The following OBSL1 variants were observed in gnomAD, a reference collection of about 807,000 sequenced individuals.
OBSL1 encodes obscurin-like protein 1.
In OBSL1, 160 loss-of-function variants were observed where a neutral mutation model predicts 172.0. The ratio of observed to expected loss-of-function variants is 0.93; its 90% confidence interval spans 0.82 to 1.06. The LOEUF (loss-of-function observed/expected upper bound fraction) is 1.06, where lower values mean the gene tolerates loss of function less well. OBSL1 is among the 50% of genes least tolerant of loss of function. The probability of loss-of-function intolerance (pLI) is 0.00; values close to 1 mark genes in which losing one functional copy is unlikely to be tolerated. For missense variants in OBSL1, 2,681 were observed against 2,715.4 expected (o/e 0.99, Z 0.28); for synonymous variants, 1,200 against 1,196.3 (o/e 1.00, Z -0.06).
In OBSL1 at chr2:219,558,435, G is replaced by A. The variant is rs375663940; in HGVS notation, c.3251C>T (p.Pro1084Leu). The change falls in exon 10 of 21, where the codon CCG becomes CTG. Residue 1084 changes from proline to leucine, a missense_variant. By Grantham distance (98) the Pro-to-Leu change is moderately conservative. Coordinates refer to ENST00000404537, the MANE Select transcript of OBSL1 (RefSeq NM_015311.3). ...VTAPPERIVH[P>L]AARSLDLHFG... ...ATGCAGATCCAGGGAGCGGGCTGCCGGGTGCACAATCCTCTCTGGTGGGGC... is the reference window on the plus strand; with the variant it reads ...ATGCAGATCCAGGGAGCGGGCTGCCAGGTGCACAATCCTCTCTGGTGGGGC... The A allele has an allele frequency of 3.5e-5, 56 of 1,588,502 alleles. No individual in the cohort carries two copies. Among genetic ancestry groups the A allele is most frequent in the Middle Eastern group, 1.8e-4 (1 of 5,532 alleles).
chr2:219,567,541 CA>C lies in OBSL1; in HGVS notation c.1568del (p.Leu523TrpfsTer14). 6.2e-7 allele frequency: 1 copy of C among 1,612,718 alleles called. No homozygotes were observed. Among genetic ancestry groups the C allele is most frequent in the Middle Eastern group, 1.7e-4 (1 of 6,058 alleles). The part of the protein sequence containing the change: ...VKHSPPGPPI[L>X]AEMFKGHKNT... ...TCTTGTGGCCCTTGAACATCTCTGC[CA>C]ATATGGGGGGTCCTGGGGGACTGTG... On this transcript the variant is annotated frameshift_variant, in exon 4 of 21. Coordinates refer to ENST00000404537, the MANE Select transcript of OBSL1 (RefSeq NM_015311.3). LOFTEE classifies it high-confidence loss of function.
rs753310153 is a variant in OBSL1 at position 219,556,437 on chromosome 2, C to T, written c.4336+17G>A. On this transcript the variant is annotated intron_variant, in intron 13 of 20. Transcript: ENST00000404537. ...AGGCACGGGACACAGAGTATCTCAT[C>T]CTCATCAGGACCTAACCTCGAACAT... 4.3e-5 allele frequency: 70 copies of T among 1,613,442 alleles called. No individual in the cohort carries two copies. In the East Asian group the frequency reaches 1.4e-3, roughly 32 times the overall value.
At chr2:219,564,232 C>G (rs573500267) in intron 6 of OBSL1, among the ~76,000 whole-genome samples, 9 of 152,340 alleles carry the variant, frequency 5.9e-5, no homozygotes, top group Non-Finnish European at 1.2e-4. Flanking sequence ...GGGCTCTGGA[C>G]AGTCCAGGGA....
intron 18 of OBSL1, 108 bp from the exon 19 acceptor site, chr2:219,552,324 A>T: frequency 9.4e-7 from 1 of 1,068,782 alleles, no homozygotes; most frequent in East Asian, 2.6e-5. Context: ...CCGTTAGTGT[A>T]TGCTAGGGTG....
At chr2:219,561,347 C>T (rs967875003) in intron 8 of OBSL1, among the ~76,000 whole-genome samples, 3 of 152,080 alleles carry the variant, frequency 2.0e-5, no homozygotes, top group Non-Finnish European at 2.9e-5. Flanking sequence ...GCCGTCACCC[C>T]GAGGTCTCCG....
intron 18 of OBSL1, 67 bp downstream of exon 18, chr2:219,552,469 G>C: frequency 3.4e-6 from 5 of 1,466,302 alleles, no homozygotes; most frequent in Non-Finnish European, 4.6e-6. Flanking sequence ...TTGTCCCGGT[G>C]GGGCGGGATC....
Position 219,551,684 on chromosome 2 carries a change from C to G in OBSL1, c.5528G>C (p.Arg1843Pro). ...TCCCGGGCACAGCTCGGCCCCCTCC[C>G]GCAGCCAGCACACGTGGCCCCCCGA... ...SRSGGHVCWL[R>P]EGAELCPGDK... The change falls in exon 20 of 21, where the codon CGG becomes CCG. Residue 1843 changes from arginine to proline, a missense_variant. Arg to Pro is a moderately radical substitution (Grantham distance 103). Coordinates refer to ENST00000404537, the MANE Select transcript of OBSL1 (RefSeq NM_015311.3). The G allele has an allele frequency of 6.2e-7, 1 of 1,611,102 alleles. No homozygotes were observed. Among genetic ancestry groups the G allele is most frequent in the Non-Finnish European group, 8.5e-7 (1 of 1,179,306 alleles).
In OBSL1 at chr2:219,554,614, A is replaced by G. The variant is rs1384543015; in HGVS notation, c.4736T>C (p.Leu1579Pro). The change falls in exon 15 of 21, where the codon CTG (leucine) becomes CCG (proline). Residue 1579 changes from leucine (L) to proline (P), a missense_variant. By Grantham distance (98) the Leu-to-Pro change is moderately conservative (BLOSUM62 -3). This residue lies in a region of OBSL1 where 1,765 missense variants were observed against 1,748.3 expected (regional missense o/e 1.01). Coordinates refer to ENST00000404537, the MANE Select transcript of OBSL1 (RefSeq NM_015311.3). ...TGEWARGGVQ[L>P]YPGPKCHIHS... ...GATGTGACACTTGGGTCCTGGATACAGCTGTACTCCACCCCGGGCCCACTC... is the reference window on the plus strand; with the variant it reads ...GATGTGACACTTGGGTCCTGGATACGGCTGTACTCCACCCCGGGCCCACTC... 1.2e-6 allele frequency: 2 copies of G among 1,612,988 alleles called. No individual in the cohort carries two copies. The highest frequency in any genetic ancestry group is 2.7e-5 in the African/African-American group (2 of 74,908).
chr2:219,556,277 A>G lies in OBSL1; in HGVS notation c.4352T>C (p.Phe1451Ser). 2 of 1,587,102 alleles carry G rather than the reference A, an allele frequency of 1.3e-6. No individual in the cohort carries two copies. The highest frequency in any genetic ancestry group is 1.7e-6 in the Non-Finnish European group (2 of 1,163,422). The stretch of plus-strand genomic sequence containing the variant: ...CCGCACATCCTGCAACCGCCGTAGG[A>G]ACAGCAGCTCTGTCTCTGGTGGGGA... ...RLHVRETELL[F>S]LRRLQDVRAE... The change falls in exon 14 of 21, where the codon TTC becomes TCC. Residue 1451 changes from phenylalanine to serine, a missense_variant. Phe to Ser is a radical substitution (Grantham distance 155). This residue lies in a region of OBSL1 where 1,765 missense variants were observed against 1,748.3 expected (regional missense o/e 1.01). Coordinates refer to ENST00000404537, the MANE Select transcript of OBSL1 (RefSeq NM_015311.3).
At chr2:219,553,131 C>T in intron 16 of OBSL1, 107 bp from the exon 17 acceptor site, 1 of 1,344,080 alleles carries the variant, frequency 7.4e-7, no homozygotes, top group Non-Finnish European at 9.7e-7. Flanking sequence ...TCTCGAGGCG[C>T]GTTTATGCGT....
intron 12 of OBSL1, chr2:219,557,027 C>T (rs192669884): frequency 1.2e-4 from 58 of 484,154 alleles, no homozygotes; most frequent in Admixed American, 4.0e-4. Context: ...AAGCACTATC[C>T]CCTCTTTTCA....
intron 9 of OBSL1, among the ~76,000 whole-genome samples, chr2:219,558,853 C>A (rs969630014): frequency 9.2e-5 from 14 of 152,200 alleles, no homozygotes; most frequent in Admixed American, 4.6e-4. Flanking sequence ...CTTGTTACCA[C>A]CTGACAAACC....
At chr2:219,551,038 G>A (rs1559130443) in intron 20 of OBSL1, 196 bp from the exon 21 acceptor site, 5 of 1,441,820 alleles carry the variant, frequency 3.5e-6, no homozygotes, top group Non-Finnish European at 4.5e-6. Flanking sequence ...CGCGGCACCT[G>A]AAGGGAATGC....
intron 15 of OBSL1, 44 bp from the exon 16 acceptor site, chr2:219,553,730 G>A (rs1262369968): frequency 7.0e-7 from 1 of 1,431,680 alleles, no homozygotes; most frequent in Non-Finnish European, 9.8e-7. Flanking sequence ...AGCAGGATGG[G>A]GACCCATCTT....
At chr2:219,563,301 A>G in intron 7 of OBSL1, 54 bp downstream of exon 7, 1 of 1,482,544 alleles carries the variant, frequency 6.7e-7, no homozygotes, top group Non-Finnish European at 9.0e-7. Flanking sequence ...CAGCTGTTCC[A>G]GTGGGAGCAG....
downstream of OBSL1, chr2:219,548,077 G>T: frequency 6.5e-7 from 1 of 1,548,232 alleles, no homozygotes; most frequent in East Asian, 2.3e-5. Flanking sequence ...ACTCCCACAC[G>T]GAAGGTAAGG....
intron 6 of OBSL1, among the ~76,000 whole-genome samples, chr2:219,564,379 G>A (rs139938218): frequency 2.6e-4 from 39 of 152,330 alleles, no homozygotes; most frequent in African/African-American, 8.7e-4. Flanking sequence ...TGTGTGTGTC[G>A]CCAAGCTATG....
rs757557849 is a variant in OBSL1 at position 219,551,600 on chromosome 2, C to T, written c.5612G>A (p.Arg1871Gln). 3 of 1,610,498 alleles carry T rather than the reference C, an allele frequency of 1.9e-6. No individual in the cohort carries two copies. The highest frequency in any genetic ancestry group is 1.7e-6 in the Non-Finnish European group (2 of 1,178,582). The change falls in exon 20 of 21, where the codon CGA becomes CAA. Residue 1871 changes from arginine (R) to glutamine (Q), a missense_variant. By Grantham distance (43) the Arg-to-Gln change is conservative. Around this residue, in one of 5 missense-constraint regions of OBSL1, gnomAD observed 1,765 missense variants for 1,748.3 expected, o/e 1.01. Coordinates refer to ENST00000404537, the MANE Select transcript of OBSL1 (RefSeq NM_015311.3). ...PTHSLVIHDVRPEDQGTYCCQ... is the reference protein window; with the variant it reads ...PTHSLVIHDVQPEDQGTYCCQ... The stretch of plus-strand genomic sequence containing the variant: ...GCAGTAAGTGCCTTGGTCCTCAGGT[C>T]GAACGTCATGGATGACCAGGCTGTG...
chr2:219,549,280 C>T, downstream of OBSL1: 1 of 1,613,946 alleles, frequency 6.2e-7, no homozygotes, highest in Middle Eastern at 1.7e-4. Flanking sequence ...TCCTCCCAGG[C>T]CTGGGCCACC....
Sources: allele counts gnomAD v4.1 joint callset (sites outside exome capture counted in the v4.1 genomes callset), GRCh38; gene constraint gnomAD v4.1.1; regional missense constraint gnomAD v4.1.1; transcripts MANE v1.5; gene names NCBI Gene and HGNC (gene_info 2026-07-23, HGNC 2026-07-21).